The following XG variants were observed in gnomAD, a reference collection of about 807,000 sequenced individuals.
XG encodes glycoprotein Xg.
Under a neutral mutation model 25.7 loss-of-function variants are expected in XG, and 24 were observed. The ratio of observed to expected loss-of-function variants is 0.93; its 90% CI spans 0.68 to 1.31. XG has a LOEUF of 1.31. XG is among the 40% of genes most tolerant of loss of function. The pLI, the probability that XG is intolerant of heterozygous loss-of-function variation, is 0.00. For missense variants in XG, 181 were observed against 187.6 expected (o/e 0.96, Z 0.21); for synonymous variants, 77 against 69.2 (o/e 1.11, Z -0.56).
At chrX:2,767,114 G>C (rs2050717010) in intron 1 of XG, among the ~76,000 whole-genome samples, 3 of 152,076 alleles carry the variant, frequency 2.0e-5, no homozygotes, top group Admixed American at 2.0e-4. Flanking sequence ...TCGTAAGCCT[G>C]AACCACGTGC....
chrX:2,755,799 A>T (rs918332232), intron 1 of XG, among the ~76,000 whole-genome samples: 1 of 152,082 alleles, frequency 6.6e-6, no homozygotes, highest in African/African-American at 2.4e-5. Flanking sequence ...ACCCTGTTTC[A>T]TCCCCAGCCA....
chrX:2,781,394 G>A (rs1442186832), intron 3 of XG, among the ~76,000 whole-genome samples: 1 of 151,204 alleles, frequency 6.6e-6, no homozygotes, highest in African/African-American at 2.4e-5. Flanking sequence ...CCCGGCACCT[G>A]GACCCATTAG....
At chrX:2,804,544 C>T (rs766534541) in intron 7 of XG, among the ~76,000 whole-genome samples, 59 of 111,438 alleles carry the variant, frequency 5.3e-4, no homozygotes, top group Non-Finnish European at 1.1e-3. Flanking sequence ...TAAAGCGAGC[C>T]GTCCCCACAC....
intron 4 of XG, among the ~76,000 whole-genome samples, chrX:2,783,271 T>C (rs865918324): frequency 1.9e-5 from 2 of 102,960 alleles, no homozygotes; most frequent in African/African-American, 3.6e-5. Context: ...AGACAGTTTT[T>C]TTCCACAGAT....
intron 7 of XG, among the ~76,000 whole-genome samples, chrX:2,801,649 G>T (rs1246245807): frequency 1.8e-5 from 2 of 111,796 alleles, no homozygotes; most frequent in African/African-American, 6.5e-5. Flanking sequence ...GTTCCTGCCG[G>T]CATTCACCCA....
chrX:2,779,334 A>T (rs1488273267), intron 3 of XG, among the ~76,000 whole-genome samples: 4 of 140,538 alleles, frequency 2.8e-5, no homozygotes, highest in African/African-American at 6.0e-5. Flanking sequence ...AGAGTATAAA[A>T]AAAAAAAAAA....
chrX:2,807,400 TTG>T (rs900459161), intron 8 of XG, among the ~76,000 whole-genome samples: 1 of 112,957 alleles, frequency 8.9e-6, no homozygotes, highest in African/African-American at 3.2e-5. Flanking sequence ...TGCATGTGGA[TTG>T]TGTGTATACA....
chrX:2,753,156 G>A (rs2050368733), intron 1 of XG, among the ~76,000 whole-genome samples: 1 of 152,152 alleles, frequency 6.6e-6, no homozygotes, highest in Non-Finnish European at 1.5e-5. Flanking sequence ...AGACATGGAC[G>A]TCATTAAGAT....
intron 9 of XG, among the ~76,000 whole-genome samples, chrX:2,810,827 A>T (rs1230292020): frequency 9.0e-6 from 1 of 111,203 alleles, no homozygotes; most frequent in Non-Finnish European, 1.9e-5. Context: ...GAGGCAGGAG[A>T]ATCGCTTGAA....
At chrX:2,757,651 T>G (rs2050463298) in intron 1 of XG, among the ~76,000 whole-genome samples, 1 of 151,680 alleles carries the variant, frequency 6.6e-6, no homozygotes, top group Non-Finnish European at 1.5e-5. Flanking sequence ...CACAGGCTGT[T>G]TAGTTTACTT....
chrX:2,811,644 G>A (rs1402843648), intron 10 of XG, among the ~76,000 whole-genome samples, 192 bp downstream of exon 10: 1 of 111,854 alleles, frequency 8.9e-6, no homozygotes, highest in Non-Finnish European at 1.9e-5. Flanking sequence ...TGCCCAGGCT[G>A]GACTGCAGTG....
At chrX:2,807,621 TGTG>T (rs1291278470) in intron 8 of XG, among the ~76,000 whole-genome samples, 22 of 112,558 alleles carry the variant, frequency 2.0e-4, no homozygotes, top group African/African-American at 7.1e-4. Context: ...TGTGTGTGTA[TGTG>T]GGGATGTGTG....
intron 8 of XG, among the ~76,000 whole-genome samples, chrX:2,807,289 G>A (rs2087008221): frequency 8.8e-6 from 1 of 113,017 alleles, no homozygotes; most frequent in African/African-American, 3.2e-5. Flanking sequence ...TACATTTAGG[G>A]GTGTGCAAGC....
At chrX:2,804,135 G>A (rs1346944376) in intron 7 of XG, among the ~76,000 whole-genome samples, 1 of 112,127 alleles carries the variant, frequency 8.9e-6, no homozygotes, top group Non-Finnish European at 1.9e-5. Flanking sequence ...GAGCCACTGC[G>A]CCCAGCCCTA....
chrX:2,757,999 A>C (rs1270321479), intron 1 of XG, among the ~76,000 whole-genome samples: 1 of 148,294 alleles, frequency 6.7e-6, no homozygotes, highest in Non-Finnish European at 1.5e-5. Context: ...AAAAAAAAGG[A>C]AAAAAAAGTT....
chrX:2,812,505 C>T (rs1243914739), intron 10 of XG, among the ~76,000 whole-genome samples: 1 of 110,984 alleles, frequency 9.0e-6, no homozygotes, highest in African/African-American at 3.3e-5. Context: ...TTTGTGTCCC[C>T]GAAGGAAACC....
chrX:2,799,327 C>T (rs1424149099), intron 7 of XG, among the ~76,000 whole-genome samples: 1 of 111,043 alleles, frequency 9.0e-6, no homozygotes, highest in Non-Finnish European at 1.9e-5. Context: ...ACGAGACGAG[C>T]GTAAAAGATT....
At chrX:2,773,861 G>GGGCAGGAAGGGAGAGGGAGGT (rs986076986) in intron 2 of XG, among the ~76,000 whole-genome samples, 3 of 151,228 alleles carry the variant, frequency 2.0e-5, no homozygotes, top group African/African-American at 7.3e-5. Context: ...GAAGAAGGGA[G>GGGCAGGAAGGGAGAGGGAGGT]GGCAGGAAGG....
intron 1 of XG, among the ~76,000 whole-genome samples, chrX:2,757,735 G>T (rs1482633174): frequency 6.6e-6 from 1 of 151,852 alleles, no homozygotes; most frequent in Admixed American, 6.6e-5. Flanking sequence ...AGTTTGGGAG[G>T]CCGAGTTGGG....
Sources: gnomAD v4.1 joint callset for allele counts (sites outside exome capture counted in the v4.1 genomes callset) on GRCh38, gnomAD v4.1.1 for gene constraint, MANE v1.5 for transcripts, NCBI Gene and HGNC (gene_info 2026-07-23, HGNC 2026-07-21) for gene names.